The following RAD52 variants were observed in gnomAD, a reference collection of about 807,000 sequenced individuals.
RAD52 encodes DNA repair protein RAD52 homolog.
In RAD52, 47 loss-of-function variants were observed where a neutral mutation model predicts 55.5. The ratio of observed to expected loss-of-function variants is 0.85; its 90% CI spans 0.67 to 1.08. RAD52 has a LOEUF of 1.08. Among genes scored for constraint, RAD52 ranks in the 50% least tolerant of loss-of-function variants. RAD52 has a pLI of 0.00. For synonymous variants in RAD52, 184 were observed against 198.9 expected, an observed-to-expected ratio of 0.92 and a Z score of 0.63; for missense variants, 468 against 522.8, an observed-to-expected ratio of 0.90 and a Z score of 1.02.
intron 1 of RAD52, among the ~76,000 whole-genome samples, chr12:946,857 C>T (rs1004360108): frequency 2.0e-5 from 3 of 152,216 alleles, no homozygotes; most frequent in Admixed American, 2.0e-4. Flanking sequence ...TTTTCATACA[C>T]TCATCTCCAA....
chr12:985,260 C>T (rs533434660), intron 1 of RAD52, among the ~76,000 whole-genome samples: 38 of 152,290 alleles, frequency 2.5e-4, no homozygotes, highest in Non-Finnish European at 4.9e-4. Context: ...TCTGTCTCAG[C>T]CTCACAAGTA....
chr12:919,749 T>TAAAAA (rs755729351), intron 7 of RAD52, among the ~76,000 whole-genome samples: 1 of 82,202 alleles, frequency 1.2e-5, no homozygotes, highest in African/African-American at 5.5e-5. Context: ...AGACTCTGTC[T>TAAAAA]AAAAAAAAAA....
At chr12:984,439 C>T (rs1959059568) in intron 1 of RAD52, among the ~76,000 whole-genome samples, 1 of 152,126 alleles carries the variant, frequency 6.6e-6, no homozygotes, top group Non-Finnish European at 1.5e-5. Flanking sequence ...CTCAGGTGAT[C>T]CACCTGCCTC....
chr12:947,760 C>T (rs113538173), intron 1 of RAD52, among the ~76,000 whole-genome samples: 5 of 151,274 alleles, frequency 3.3e-5, no homozygotes, highest in African/African-American at 7.3e-5. Context: ...TAGTGGCATG[C>T]GCCTGTAAGC....
Position 967,381 on chromosome 12 carries a change from C to CAA in RAD52, c.-19+22426_-19+22427dup, listed in dbSNP as rs71055113. ...TGGGTGACAGAGCAAGACCTTGTCT[C>CAA]AAAAAAAAAAAAAAAGTTCACAAAA... On this transcript the variant is annotated intron_variant, in intron 1 of 11. Transcript: ENST00000430095. 5.9e-3 allele frequency among the ~76,000 whole-genome samples: 817 copies of CAA among 137,980 alleles called. 9 individuals carry two copies. The highest frequency in any genetic ancestry group is 0.016 in the African/African-American group (591 of 36,752). 90.5% of individuals were successfully genotyped at this position (137,980 alleles called of 152,430 possible).
intron 1 of RAD52, among the ~76,000 whole-genome samples, chr12:984,648 A>C (rs1157754954): frequency 1.3e-5 from 2 of 151,730 alleles, no homozygotes; most frequent in Non-Finnish European, 2.9e-5. Context: ...TTCCTTTTTA[A>C]GGCTGAATAA....
chr12:957,971 C>G (rs1368087828), intron 1 of RAD52, among the ~76,000 whole-genome samples: 1 of 152,232 alleles, frequency 6.6e-6, no homozygotes, highest in Non-Finnish European at 1.5e-5. Context: ...GGTCTCGCCC[C>G]TGCACCTGTG....
At chr12:968,910 C>T (rs10744732) in intron 1 of RAD52, among the ~76,000 whole-genome samples, 51,395 of 151,392 alleles carry the variant, frequency 0.34, 9,058 homozygotes, top group Admixed American at 0.4. Context: ...GGTGAGTATA[C>T]ACACACACAC....
intron 1 of RAD52, among the ~76,000 whole-genome samples, chr12:965,078 C>T (rs972045406): frequency 1.3e-5 from 2 of 151,916 alleles, no homozygotes; most frequent in Non-Finnish European, 2.9e-5. Context: ...CTCCTGGGTT[C>T]AAGCGATTCT....
intron 1 of RAD52, among the ~76,000 whole-genome samples, chr12:955,536 C>T (rs1958593724): frequency 6.6e-6 from 1 of 151,668 alleles, no homozygotes. Context: ...TGCAGTGGCG[C>T]AATCTCAACT....
At chr12:939,911 C>A (rs1427144472) in intron 1 of RAD52, among the ~76,000 whole-genome samples, 13 of 152,092 alleles carry the variant, frequency 8.5e-5, no homozygotes. Context: ...CCCGTCTCTA[C>A]TGAAAATACA....
intron 1 of RAD52, among the ~76,000 whole-genome samples, chr12:988,793 T>C (rs1410074109): frequency 6.6e-6 from 1 of 152,208 alleles, no homozygotes; most frequent in Non-Finnish European, 1.5e-5. Context: ...AACTCACTAC[T>C]GTAAGAATGA....
intron 1 of RAD52, chr12:976,884 A>C (rs967317401): frequency 6.6e-6 from 1 of 152,196 alleles, no homozygotes; most frequent in Non-Finnish European, 1.5e-5. Context: ...ATCTAACTGC[A>C]TTATCTGACA....
chr12:972,357 AT>A (rs943141080), intron 1 of RAD52, among the ~76,000 whole-genome samples: 1 of 152,162 alleles, frequency 6.6e-6, no homozygotes, highest in African/African-American at 2.4e-5. Context: ...GCATGAGAAA[AT>A]GGCTGTTTCA....
upstream of RAD52, among the ~76,000 whole-genome samples, chr12:953,011 GA>G (rs1958556221): frequency 1.5e-5 from 1 of 65,442 alleles, no homozygotes; most frequent in Non-Finnish European, 3.2e-5. Flanking sequence ...AGGGGAGGGG[GA>G]GGGAGGGAAG....
intron 1 of RAD52, among the ~76,000 whole-genome samples, chr12:987,658 T>G (rs142242415): frequency 0.01 from 1,585 of 152,116 alleles, 13 homozygotes; most frequent in Middle Eastern, 0.054. Flanking sequence ...CCTCCTGGGC[T>G]TAAGCTATCC....
chr12:936,794 A>G (rs556662230), intron 1 of RAD52: 1 of 152,316 alleles, frequency 6.6e-6, no homozygotes, highest in South Asian at 2.1e-4. Flanking sequence ...CAAATGCATT[A>G]GGCATATCTT....
At chr12:948,516 G>A (rs140282905) in intron 1 of RAD52, among the ~76,000 whole-genome samples, 4 of 152,274 alleles carry the variant, frequency 2.6e-5, no homozygotes, top group Non-Finnish European at 4.4e-5. Flanking sequence ...CAAAGTAGCT[G>A]GGTGTGGTGG....
intron 1 of RAD52, among the ~76,000 whole-genome samples, chr12:956,003 T>C (rs545355171): frequency 4.2e-4 from 64 of 152,264 alleles, no homozygotes; most frequent in African/African-American, 1.5e-3. Context: ...CAGCCCAATG[T>C]ACTCTTCTGT....
Sources: gnomAD v4.1 joint callset for allele counts (sites outside exome capture counted in the v4.1 genomes callset) on GRCh38, gnomAD v4.1.1 for gene constraint, MANE v1.5 for transcripts, NCBI Gene and HGNC (gene_info 2026-07-23, HGNC 2026-07-21) for gene names.